Variants in EGF observed in about 807,000 individuals in gnomAD.
The protein encoded by EGF is epidermal growth factor.
A neutral mutation model predicts 143.8 loss-of-function variants in EGF; 95 were observed. That is an observed-to-expected ratio of 0.66 (90% confidence interval 0.56 to 0.78). The LOEUF is 0.78. Among genes scored for constraint, EGF ranks in the 30% least tolerant of loss-of-function variants. EGF has a pLI of 0.00. For synonymous variants in EGF, 510 were observed against 510.5 expected (o/e 1.00, Z 0.01); for missense variants, 1,320 against 1,470.9 (o/e 0.90, Z 1.68).
chr4:109,949,992 T>C (rs1743575193), intron 5 of EGF, among the ~76,000 whole-genome samples: 1 of 152,224 alleles, frequency 6.6e-6, no homozygotes, highest in Non-Finnish European at 1.5e-5. Flanking sequence ...TTTCTGATGA[T>C]CTGACCAGTT....
chr4:109,983,353 T>C, intron 15 of EGF, 69 bp from the exon 16 acceptor site: 1 of 1,551,556 alleles, frequency 6.4e-7, no homozygotes, highest in South Asian at 1.2e-5. Flanking sequence ...GTCGTAAACA[T>C]AAATGAAATC....
chr4:109,944,309 A>T (rs11568904), intron 4 of EGF, among the ~76,000 whole-genome samples: 1 of 151,380 alleles, frequency 6.6e-6, no homozygotes, highest in South Asian at 2.1e-4. Context: ...CGTGGTGGCG[A>T]GCACCTGTAG....
chr4:109,918,872 G>A (rs79548669), intron 1 of EGF, among the ~76,000 whole-genome samples: 6,116 of 152,206 alleles, frequency 0.04, 139 homozygotes, highest in Middle Eastern at 0.1. Context: ...CTGTGGAAGG[G>A]ACTTGCCAGA....
chr4:109,956,629 T>A (rs1744834359), intron 5 of EGF, among the ~76,000 whole-genome samples: 1 of 152,160 alleles, frequency 6.6e-6, no homozygotes, highest in Non-Finnish European at 1.5e-5. Flanking sequence ...ATAGTTTAAG[T>A]GAAGCATATA....
chr4:109,986,768 A>C (rs1294268458), intron 16 of EGF, among the ~76,000 whole-genome samples: 1 of 151,932 alleles, frequency 6.6e-6, no homozygotes, highest in African/African-American at 2.4e-5. Flanking sequence ...AAACCTGCTC[A>C]TGTTTATGGC....
intron 9 of EGF, among the ~76,000 whole-genome samples, chr4:109,963,682 A>T (rs527489767): frequency 6.6e-5 from 10 of 152,274 alleles, no homozygotes; most frequent in South Asian, 2.1e-4. Flanking sequence ...CTGTCCTTTT[A>T]ATGTCAAAAT....
At chr4:109,951,366 C>T (rs1743891722) in intron 5 of EGF, among the ~76,000 whole-genome samples, 1 of 151,570 alleles carries the variant, frequency 6.6e-6, no homozygotes. Flanking sequence ...TCAAACCCCA[C>T]CCCCCACAAA....
chr4:109,932,235 C>G (rs1219746661), intron 1 of EGF, among the ~76,000 whole-genome samples: 5 of 149,964 alleles, frequency 3.3e-5, no homozygotes, highest in African/African-American at 1.2e-4. Context: ...TTGATTTATT[C>G]AAAATTTTTG....
chr4:110,006,352 T>C (rs1006827207), intron 22 of EGF, among the ~76,000 whole-genome samples: 4 of 151,764 alleles, frequency 2.6e-5, no homozygotes, highest in Non-Finnish European at 5.9e-5. Flanking sequence ...CTCTAAAGCA[T>C]GAGAAAGAAC....
At chr4:109,958,161 T>C (rs1745106540) in intron 5 of EGF, among the ~76,000 whole-genome samples, 1 of 152,200 alleles carries the variant, frequency 6.6e-6, no homozygotes, top group Admixed American at 6.5e-5. Flanking sequence ...TTAAATCATC[T>C]CCAAATTACT....
intron 1 of EGF, among the ~76,000 whole-genome samples, chr4:109,927,920 T>C (rs982509866): frequency 6.6e-6 from 1 of 151,954 alleles, no homozygotes; most frequent in Admixed American, 6.6e-5. Context: ...TGGTAGACTT[T>C]AAATAAAATT....
chr4:109,971,269 T>A (rs535568545), intron 11 of EGF, among the ~76,000 whole-genome samples: 8 of 152,186 alleles, frequency 5.3e-5, no homozygotes, highest in Admixed American at 5.2e-4. Flanking sequence ...CTCAGAGTCA[T>A]GTGACAAATT....
At chr4:109,942,704 G>A (rs933704786) in intron 2 of EGF, among the ~76,000 whole-genome samples, 3 of 152,140 alleles carry the variant, frequency 2.0e-5, no homozygotes, top group Admixed American at 2.0e-4. Context: ...TGCCTAAAAA[G>A]ACACTCTGCT....
intron 2 of EGF, 23 bp from the exon 3 acceptor site, chr4:109,943,231 A>T (rs1328925286): frequency 1.3e-6 from 2 of 1,526,304 alleles, no homozygotes; most frequent in Non-Finnish European, 8.9e-7. Flanking sequence ...TATTAATAAC[A>T]ATTTTAAAAT....
At chr4:109,994,620 T>C (rs1365905712) in intron 19 of EGF, 113 bp from the exon 20 acceptor site, 4 of 1,241,350 alleles carry the variant, frequency 3.2e-6, no homozygotes, top group East Asian at 4.7e-5. Context: ...GTAGTTCTTC[T>C]GTCACTAAAA....
rs117090259 is a variant in EGF, at chr4:109,950,380, A to G, written c.940+5105A>G. On this transcript the variant is annotated intron_variant, in intron 5 of 23. Coordinates refer to ENST00000265171, the MANE Select transcript of EGF (RefSeq NM_001963.6). ...TGAAATCAGTCTCTGCATCCCAACA[A>G]TTCTACTCCTTATGATCTAACCACT... 1.5e-3 allele frequency among the ~76,000 whole-genome samples: 232 copies of G among 151,980 alleles called. 4 individuals carry two copies. In the East Asian group the frequency reaches 0.042, roughly 28 times the overall value.
At chr4:109,935,218 G>T (rs1740545131) in intron 1 of EGF, among the ~76,000 whole-genome samples, 1 of 152,150 alleles carries the variant, frequency 6.6e-6, no homozygotes, top group African/African-American at 2.4e-5. Context: ...CCATTTGTTT[G>T]TGTCCTCTTT....
chr4:109,983,667 C>T (rs767512091), intron 16 of EGF, 126 bp downstream of exon 16: 9 of 1,311,180 alleles, frequency 6.9e-6, no homozygotes, highest in Non-Finnish European at 7.5e-6. Context: ...TGAAACCAAA[C>T]CTTGGACTCA....
rs1750542251 is a variant in EGF, at chr4:109,988,858, A to G, written c.2734+149A>G. 12 of 1,239,344 alleles carry G rather than the reference A, an allele frequency of 9.7e-6. No homozygotes were observed. The South Asian group carries it at 1.5e-4, about 16-fold the overall frequency. The allele number at this position is 1,239,344 out of a possible 1,614,324, so 76.8% of individuals were successfully genotyped here. Reference sequence around the variant, plus strand: ...AGAGTTGTGCGACCTGCTCAAACTGACGTATTTCCATTCTTGGTGAACAGT... The same window carrying G: ...AGAGTTGTGCGACCTGCTCAAACTGGCGTATTTCCATTCTTGGTGAACAGT... On this transcript the variant is annotated intron_variant, in intron 18 of 23. Transcript: ENST00000265171.
Sources: allele counts gnomAD v4.1 joint callset (sites outside exome capture counted in the v4.1 genomes callset), GRCh38; gene constraint gnomAD v4.1.1; transcripts MANE v1.5; gene names NCBI Gene and HGNC (gene_info 2026-07-23, HGNC 2026-07-21).